The following PJA2 variants were observed in gnomAD, a reference collection of about 807,000 sequenced individuals.
The protein encoded by PJA2 is E3 ubiquitin-protein ligase Praja-2.
In PJA2, 25 loss-of-function variants were observed where a neutral mutation model predicts 69.3. That is an observed-to-expected ratio of 0.36 (90% confidence interval 0.26 to 0.50). The LOEUF (loss-of-function observed/expected upper bound fraction) is 0.50, where lower values mean the gene tolerates loss of function less well. Ranked by LOEUF, PJA2 falls within the 20% of genes least tolerant of loss-of-function variation. The probability of loss-of-function intolerance (pLI) is 0.96; values close to 1 mark genes in which losing one functional copy is unlikely to be tolerated. For synonymous variants in PJA2, 308 were observed against 277.8 expected (o/e 1.11, Z -1.08); for missense variants, 809 against 830.2 (o/e 0.97, Z 0.31).
intron 1 of PJA2, among the ~76,000 whole-genome samples, chr5:109,397,626 C>G (rs1282844828): frequency 6.6e-6 from 1 of 152,050 alleles, no homozygotes; most frequent in Non-Finnish European, 1.5e-5. Flanking sequence ...TCAAGCAATT[C>G]TCCTGCCTCA....
rs1465579754 is a variant in PJA2 at position 109,381,676 on chromosome 5, A to G, written c.59T>C (p.Val20Ala). Residue 20 changes from valine to alanine, a missense_variant, in exon 3 of 10, where the codon GTC becomes GCC. By Grantham distance (64) the Val-to-Ala change is moderately conservative. This residue lies in a region of PJA2 where 700 missense variants were observed against 639.5 expected (regional missense o/e 1.09). Coordinates refer to ENST00000361189, the MANE Select transcript of PJA2 (RefSeq NM_014819.5). ...AAMDQESGKA[V>A]WPKPAGGYQT... The stretch of plus-strand genomic sequence containing the variant: ...ATACCCTCCTGCTGGTTTGGGCCAG[A>G]CAGCCTTACCAGATTCTTGGTCCAT... 1 of 1,614,008 alleles carries G rather than the reference A, an allele frequency of 6.2e-7. No homozygotes were observed. Among genetic ancestry groups the G allele is most frequent in the African/African-American group, 1.3e-5 (1 of 75,044 alleles).
intron 1 of PJA2, among the ~76,000 whole-genome samples, chr5:109,394,078 T>C (rs1747349355): frequency 6.8e-6 from 1 of 146,890 alleles, no homozygotes; most frequent in African/African-American, 2.5e-5. Flanking sequence ...GACAGAGTCT[T>C]ACTCTGTTGC....
chr5:109,335,059 T>A lies in PJA2; in HGVS notation c.*2172A>T, dbSNP rs1761915263. On this transcript the variant is annotated 3_prime_UTR_variant, in exon 10 of 10. Transcript: ENST00000361189. ...AATGCTATTTTATTAATATTCATAC[T>A]TATTTCTAATTTACCTTCATATAGT... 6.6e-6 allele frequency: 1 copy of A among 152,640 alleles called. No individual in the cohort carries two copies. The highest frequency in any genetic ancestry group is 1.5e-5 in the Non-Finnish European group (1 of 68,030). 9.5% of individuals were successfully genotyped at this position (152,640 alleles called of 1,614,324 possible). A position where few individuals can be genotyped will look rare whatever the true frequency, so the allele number is the denominator to read the frequency against.
intron 9 of PJA2, among the ~76,000 whole-genome samples, chr5:109,340,334 GAGA>G (rs1186673638): frequency 3.3e-5 from 5 of 151,872 alleles, no homozygotes; most frequent in Admixed American, 6.6e-5. Context: ...GTGGAATTTT[GAGA>G]AGAACAAAGT....
intron 1 of PJA2, among the ~76,000 whole-genome samples, chr5:109,400,342 A>G (rs1747511095): frequency 6.6e-6 from 1 of 151,986 alleles, no homozygotes; most frequent in Admixed American, 6.6e-5. Flanking sequence ...GCCTAGATAA[A>G]AAGTGATTTA....
At chr5:109,409,813 G>C (rs1747789801) in intron 1 of PJA2, 29 bp downstream of exon 1, 1 of 148,210 alleles carries the variant, frequency 6.7e-6, no homozygotes. Context: ...GAACAAGCCA[G>C]ACTGAAAAAA....
At chr5:109,367,133 C>CAA (rs1163494179) in intron 5 of PJA2, among the ~76,000 whole-genome samples, 14,683 of 131,090 alleles carry the variant, frequency 0.11, 999 homozygotes, top group Non-Finnish European at 0.14. Context: ...GACTCCGTCT[C>CAA]AAAAAAAAAA....
chr5:109,340,619 C>CCT (rs1554052692), intron 9 of PJA2, among the ~76,000 whole-genome samples: 4 of 522 alleles, frequency 7.7e-3, no homozygotes, highest in African/African-American at 0.038. Flanking sequence ...TTATTGGGTC[C>CCT]CTCCCCCTCC....
At position 109,381,485 on chromosome 5, in the gene PJA2, T is replaced by C. The variant is rs763235055; in HGVS notation, c.232+18A>G. ...TATATAACTATTAATAACCTTTAAA[T>C]AATTAAATGTTACACACCTGAGGAA... On this transcript the variant is annotated intron_variant, in intron 3 of 9. Transcript: ENST00000361189. The C allele has an allele frequency of 3.4e-5, 54 of 1,604,358 alleles. No individual in the cohort carries two copies. The highest frequency in any genetic ancestry group is 4.5e-5 in the Non-Finnish European group (53 of 1,173,730).
intron 9 of PJA2, among the ~76,000 whole-genome samples, chr5:109,342,071 G>A (rs1762077171): frequency 1.5e-5 from 2 of 131,064 alleles, no homozygotes; most frequent in African/African-American, 5.5e-5. Context: ...CCCTCCGCCC[G>A]GCCAGCCGCC....
intron 5 of PJA2, 23 bp from the exon 6 acceptor site, chr5:109,363,045 A>G (rs1582600813): frequency 6.5e-7 from 1 of 1,535,742 alleles, no homozygotes; most frequent in Non-Finnish European, 8.8e-7. Flanking sequence ...TTTTAAAGGA[A>G]GAAAAAAATA....
intron 6 of PJA2, among the ~76,000 whole-genome samples, chr5:109,359,504 T>TA (rs1287611131): frequency 1.3e-5 from 2 of 152,228 alleles, no homozygotes; most frequent in Non-Finnish European, 2.9e-5. Context: ...CACCATGTGT[T>TA]TTCTGATATG....
At chr5:109,343,291 AAG>A (rs747349721) in intron 9 of PJA2, among the ~76,000 whole-genome samples, 4,509 of 28,238 alleles carry the variant, frequency 0.16, 351 homozygotes, top group African/African-American at 0.21. Context: ...AAAAAAAAAA[AAG>A]AAAGAAAGAA....
intron 6 of PJA2, among the ~76,000 whole-genome samples, chr5:109,357,383 GAA>G (rs1762430904): frequency 6.6e-6 from 1 of 151,894 alleles, no homozygotes; most frequent in Non-Finnish European, 1.5e-5. Context: ...AATGGTTCTT[GAA>G]AAGAGTAATG....
intron 1 of PJA2, among the ~76,000 whole-genome samples, chr5:109,393,014 T>G (rs572179285): frequency 6.6e-6 from 1 of 152,144 alleles, no homozygotes; most frequent in Admixed American, 6.5e-5. Context: ...AAATGGAATT[T>G]AAAATTTCCA....
intron 9 of PJA2, among the ~76,000 whole-genome samples, chr5:109,339,730 A>G (rs1456711777): frequency 2.0e-5 from 3 of 152,254 alleles, no homozygotes. Flanking sequence ...TTCATTAGTA[A>G]TAAGTTTACC....
At chr5:109,363,228 G>C (rs1421262546) in intron 5 of PJA2, among the ~76,000 whole-genome samples, 2 of 152,128 alleles carry the variant, frequency 1.3e-5, no homozygotes, top group African/African-American at 4.8e-5. Flanking sequence ...TACAGAAATA[G>C]TTCCTAATTA....
chr5:109,349,532 C>T (rs1313971496), intron 7 of PJA2, among the ~76,000 whole-genome samples: 1 of 152,168 alleles, frequency 6.6e-6, no homozygotes, highest in African/African-American at 2.4e-5. Context: ...TTGGACAGTT[C>T]TGCAGTACAG....
chr5:109,388,874 T>A (rs1747222621), intron 1 of PJA2, among the ~76,000 whole-genome samples: 1 of 152,188 alleles, frequency 6.6e-6, no homozygotes, highest in African/African-American at 2.4e-5. Context: ...TTTTAGTGAA[T>A]GAATTCCTTA....
Sources: allele counts gnomAD v4.1 joint callset (sites outside exome capture counted in the v4.1 genomes callset), GRCh38; gene constraint gnomAD v4.1.1; regional missense constraint gnomAD v4.1.1; transcripts MANE v1.5; gene names NCBI Gene and HGNC (gene_info 2026-07-23, HGNC 2026-07-21).